Variants in BMERB1 observed in about 807,000 individuals in gnomAD.
BMERB1 encodes the protein bMERB domain containing 1, also known as bMERB domain-containing protein 1.
Under a neutral mutation model 23.6 loss-of-function variants are expected in BMERB1, and 12 were observed. The observed-to-expected ratio is 0.51, with a 90% CI of 0.33 to 0.82. BMERB1 has a LOEUF of 0.82. Ranked by LOEUF, BMERB1 falls within the 40% of genes least tolerant of loss-of-function variation. The pLI is 0.03. For missense variants in BMERB1, 247 were observed against 255.4 expected, an observed-to-expected ratio of 0.97 and a Z score of 0.22; for synonymous variants, 122 against 96.6, an observed-to-expected ratio of 1.26 and a Z score of -1.54.
intron 1 of BMERB1, among the ~76,000 whole-genome samples, chr16:15,457,509 A>G (rs944415339): frequency 1.3e-5 from 2 of 152,136 alleles, no homozygotes; most frequent in African/African-American, 2.4e-5. Context: ...TCAGGAGCTC[A>G]CCATTGCCTT....
At position 15,509,430 on chromosome 16, in the gene BMERB1, C is replaced by T. The variant is rs578021066; in HGVS notation, c.107-5875C>T. On this transcript the variant is annotated intron_variant, in intron 1 of 5. Coordinates refer to ENST00000300006, the MANE Select transcript of BMERB1 (RefSeq NM_033201.3). ...GAACAAGTCACTTTCCTTCTCTAAG[C>T]CTCAGAGTCATCTCAGTAAAATAGA... 1.7e-3 allele frequency among the ~76,000 whole-genome samples: 263 copies of T among 152,146 alleles called. 2 individuals carry two copies. The highest frequency in any genetic ancestry group is 6.2e-3 in the African/African-American group (258 of 41,486).
intron 1 of BMERB1, among the ~76,000 whole-genome samples, chr16:15,453,834 A>G (rs1227010263): frequency 6.6e-6 from 1 of 152,196 alleles, no homozygotes; most frequent in African/African-American, 2.4e-5. Flanking sequence ...AGATTTCGCC[A>G]CTGCACTCCA....
intron 1 of BMERB1, among the ~76,000 whole-genome samples, chr16:15,480,646 C>T (rs1179751420): frequency 9.0e-6 from 1 of 111,684 alleles, no homozygotes; most frequent in African/African-American, 3.3e-5. Context: ...CAGAGTCTCA[C>T]TCTGTCACCC....
intron 2 of BMERB1, among the ~76,000 whole-genome samples, chr16:15,533,412 C>T (rs62036865): frequency 1.1e-4 from 16 of 147,128 alleles, no homozygotes; most frequent in Non-Finnish European, 1.6e-4. Flanking sequence ...TTTTTTTTTC[C>T]TGAGATAGAG....
At position 15,488,203 on chromosome 16, in the gene BMERB1, G is replaced by T. The variant is rs545742454; in HGVS notation, c.107-27102G>T. On this transcript the variant is annotated intron_variant, in intron 1 of 5. Coordinates refer to ENST00000300006, the MANE Select transcript of BMERB1 (RefSeq NM_033201.3). ...TCATCAACAGTACCTAAACAAATGG[G>T]CATGGATGTGTTCTAATAAAGCTTT... Among the ~76,000 whole-genome samples, 5 of 152,258 alleles carry T rather than the reference G, an allele frequency of 3.3e-5. No individual in the cohort carries two copies. The East Asian group carries it at 9.6e-4, about 29-fold the overall frequency.
intron 2 of BMERB1, among the ~76,000 whole-genome samples, chr16:15,527,877 C>A (rs1031580263): frequency 2.0e-5 from 3 of 152,108 alleles, no homozygotes; most frequent in Admixed American, 6.5e-5. Context: ...AATTAGACAT[C>A]ATTCTTGACC....
At chr16:15,461,681 G>A (rs1243415913) in intron 1 of BMERB1, among the ~76,000 whole-genome samples, 1 of 152,176 alleles carries the variant, frequency 6.6e-6, no homozygotes, top group African/African-American at 2.4e-5. Flanking sequence ...CCAGCAGTTT[G>A]GGAGGACAAG....
chr16:15,481,305 T>C (rs993926275), intron 1 of BMERB1, among the ~76,000 whole-genome samples: 2 of 152,106 alleles, frequency 1.3e-5, no homozygotes, highest in African/African-American at 4.8e-5. Context: ...GGCGGGTGGA[T>C]CACGAGGTCA....
At chr16:15,450,364 C>T (rs994863714) in intron 1 of BMERB1, among the ~76,000 whole-genome samples, 9 of 152,154 alleles carry the variant, frequency 5.9e-5, no homozygotes, top group African/African-American at 1.9e-4. Context: ...TAGAAGTCAT[C>T]CTTAGCTCAA....
chr16:15,570,550 C>T (rs1303817126), intron 3 of BMERB1, among the ~76,000 whole-genome samples: 3 of 152,104 alleles, frequency 2.0e-5, no homozygotes, highest in Non-Finnish European at 4.4e-5. Flanking sequence ...CTCTCCGCTA[C>T]CCCTCAATGG....
chr16:15,453,956 CT>C lies in BMERB1; in HGVS notation c.106+19198del, dbSNP rs2051063676. Among the ~76,000 whole-genome samples, 3 of 152,230 alleles carry C rather than the reference CT, an allele frequency of 2.0e-5. 1 individual carries two copies. In the East Asian group the frequency reaches 5.8e-4, roughly 29 times the overall value. On this transcript the variant is annotated intron_variant, in intron 1 of 5. Coordinates refer to ENST00000300006, the MANE Select transcript of BMERB1 (RefSeq NM_033201.3). ...AGAGCATCCCTTCAGATGTCCCTTCCTCCCTTCCCCTTTCCTTCCTCTCCTC... is the reference window on the plus strand; with the variant it reads ...AGAGCATCCCTTCAGATGTCCCTTCCCCCTTCCCCTTTCCTTCCTCTCCTC...
At chr16:15,462,073 G>C (rs1446104289) in intron 1 of BMERB1, among the ~76,000 whole-genome samples, 2 of 150,108 alleles carry the variant, frequency 1.3e-5, no homozygotes, top group African/African-American at 4.9e-5. Flanking sequence ...CAATATTTGG[G>C]ACATACTTAT....
chr16:15,558,646 C>T (rs1331205984), intron 2 of BMERB1, among the ~76,000 whole-genome samples: 1 of 151,770 alleles, frequency 6.6e-6, no homozygotes, highest in Non-Finnish European at 1.5e-5. Flanking sequence ...GTCGTAGCGA[C>T]ATATATGTGA....
intron 2 of BMERB1, among the ~76,000 whole-genome samples, chr16:15,523,528 A>G (rs368700263): frequency 1.3e-5 from 2 of 151,986 alleles, no homozygotes; most frequent in East Asian, 1.9e-4. Context: ...TTCCCTTCCT[A>G]TCACCTCTCT....
chr16:15,441,472 C>T (rs2050938549), intron 1 of BMERB1, among the ~76,000 whole-genome samples: 1 of 152,062 alleles, frequency 6.6e-6, no homozygotes, highest in East Asian at 1.9e-4. Flanking sequence ...CAACCTCTGC[C>T]TCCTGGGTCC....
At chr16:15,578,946 G>A (rs754522004) in intron 3 of BMERB1, among the ~76,000 whole-genome samples, 2 of 152,234 alleles carry the variant, frequency 1.3e-5, no homozygotes, top group Non-Finnish European at 2.9e-5. Context: ...ATGACTTGGA[G>A]ACTTGGGCTA....
At chr16:15,563,672 T>G (rs1183871455) in intron 2 of BMERB1, among the ~76,000 whole-genome samples, 1 of 152,090 alleles carries the variant, frequency 6.6e-6, no homozygotes, top group Non-Finnish European at 1.5e-5. Context: ...GGGGAAGTCT[T>G]ACGTGGCTGG....
chr16:15,456,950 C>T (rs1375774379), intron 1 of BMERB1, among the ~76,000 whole-genome samples: 3 of 151,994 alleles, frequency 2.0e-5, no homozygotes, highest in African/African-American at 4.8e-5. Context: ...CTCAGCCTCC[C>T]GAGTACCTGG....
rs201187962 is a variant in BMERB1 at position 15,581,284 on chromosome 16, G to A, written c.372G>A (p.Val124=). 6.8e-6 allele frequency: 11 copies of A among 1,614,010 alleles called. No individual in the cohort carries two copies. The highest frequency in any genetic ancestry group is 8.5e-6 in the Non-Finnish European group (10 of 1,180,006). The change falls in exon 4 of 6, where the codon GTG becomes GTA. Residue 124 remains valine (V), a synonymous_variant. Transcript: ENST00000300006. ...DELIQKIHKL[V]QKRDFLVDDA... is the part of the protein sequence containing the mutation. Reference sequence around the variant, plus strand: ...TAATCCAGAAGATCCACAAACTGGTGCAGAAGAGAGACTTCCTGGTGGACG... The same window carrying A: ...TAATCCAGAAGATCCACAAACTGGTACAGAAGAGAGACTTCCTGGTGGACG...
Sources: gnomAD v4.1 joint callset for allele counts (sites outside exome capture counted in the v4.1 genomes callset) on GRCh38, gnomAD v4.1.1 for gene constraint, MANE v1.5 for transcripts, NCBI Gene and HGNC (gene_info 2026-07-23, HGNC 2026-07-21) for gene names.